The following CFAP61 variants were observed in gnomAD, a reference collection of about 807,000 sequenced individuals.
CFAP61 encodes the protein cilia- and flagella-associated protein 61.
In CFAP61, 107 loss-of-function variants were observed where a neutral mutation model predicts 135.6. The observed-to-expected ratio is 0.79, with a 90% CI of 0.67 to 0.93. The LOEUF is 0.93. CFAP61 is among the 40% of genes least tolerant of loss of function. The pLI is 0.00. For missense variants in CFAP61, 1,507 were observed against 1,556.2 expected (o/e 0.97, Z 0.53); for synonymous variants, 575 against 578.5 (o/e 0.99, Z 0.09).
intron 21 of CFAP61, among the ~76,000 whole-genome samples, chr20:20,270,630 C>T (rs1281078760): frequency 6.6e-6 from 1 of 151,860 alleles, no homozygotes; most frequent in Non-Finnish European, 1.5e-5. Flanking sequence ...GGCATTTTTC[C>T]CCCTTGATTA....
intron 8 of CFAP61, among the ~76,000 whole-genome samples, chr20:20,115,025 CATTG>C: frequency 6.6e-6 from 1 of 152,186 alleles, no homozygotes; most frequent in Middle Eastern, 3.4e-3. Context: ...AGATGAATTA[CATTG>C]ATTGACTTTT....
At chr20:20,118,281 C>T (rs2049316943) in intron 8 of CFAP61, among the ~76,000 whole-genome samples, 1 of 140,510 alleles carries the variant, frequency 7.1e-6, no homozygotes, top group South Asian at 2.2e-4. Context: ...TTCTTTCTTT[C>T]TTTCTTTCTT....
intron 24 of CFAP61, among the ~76,000 whole-genome samples, chr20:20,294,293 G>C: frequency 6.6e-6 from 1 of 152,316 alleles, no homozygotes; most frequent in Middle Eastern, 3.4e-3. Context: ...TTCTGTCAGC[G>C]ACTGTGAATA....
intron 9 of CFAP61, among the ~76,000 whole-genome samples, chr20:20,152,049 T>C (rs1016760291): frequency 4.6e-5 from 7 of 151,964 alleles, no homozygotes; most frequent in African/African-American, 4.8e-5. Context: ...CCAGAAGGGA[T>C]TGGGTCCTAT....
chr20:20,175,823 G>A (rs886218606), intron 13 of CFAP61, among the ~76,000 whole-genome samples: 5 of 152,102 alleles, frequency 3.3e-5, no homozygotes, highest in African/African-American at 9.7e-5. Context: ...GAGCCACTGC[G>A]CCTGGCTGGG....
At chr20:20,269,240 C>CATGTATTTATATATAT (rs1569220097) in intron 21 of CFAP61, among the ~76,000 whole-genome samples, 1 of 123,542 alleles carries the variant, frequency 8.1e-6, no homozygotes, top group Non-Finnish European at 1.9e-5. Flanking sequence ...TATATATATA[C>CATGTATTTATATATAT]ACGTATATGT....
At chr20:20,194,316 A>G (rs1288583643) in intron 15 of CFAP61, among the ~76,000 whole-genome samples, 1 of 152,076 alleles carries the variant, frequency 6.6e-6, no homozygotes, top group Non-Finnish European at 1.5e-5. Context: ...TGTTTATTCT[A>G]TTACCCAAGT....
chr20:20,260,797 C>A (rs935214738), intron 20 of CFAP61, among the ~76,000 whole-genome samples: 2 of 152,190 alleles, frequency 1.3e-5, no homozygotes, highest in African/African-American at 4.8e-5. Flanking sequence ...AAGGCTTTTT[C>A]ACTTGTTAAA....
At chr20:20,327,072 AG>A (rs1270125826) in intron 25 of CFAP61, among the ~76,000 whole-genome samples, 1 of 152,156 alleles carries the variant, frequency 6.6e-6, no homozygotes, top group African/African-American at 2.4e-5. Flanking sequence ...ATTTTAAAAA[AG>A]ATATTGGTAG....
intron 25 of CFAP61, among the ~76,000 whole-genome samples, chr20:20,311,161 C>T (rs539638115): frequency 6.6e-6 from 1 of 152,276 alleles, no homozygotes; most frequent in East Asian, 1.9e-4. Context: ...ACTAATCAAC[C>T]TTGACCAGAA....
At chr20:20,265,617 A>G in intron 21 of CFAP61, 1 of 696,222 alleles carries the variant, frequency 1.4e-6, no homozygotes, top group South Asian at 1.6e-5. Flanking sequence ...TTCCTGTCTT[A>G]CATGTAGGTG....
chr20:20,143,256 G>T (rs2051569201), intron 9 of CFAP61, among the ~76,000 whole-genome samples: 1 of 152,098 alleles, frequency 6.6e-6, no homozygotes. Flanking sequence ...TAAACTCACT[G>T]GGAAATACAG....
At chr20:20,160,952 T>A (rs971874) in intron 10 of CFAP61, among the ~76,000 whole-genome samples, 137,190 of 152,130 alleles carry the variant, frequency 0.9, 62,675 homozygotes, top group Middle Eastern at 0.99. Flanking sequence ...CCAGGTGGGG[T>A]TGATTCACCA....
At chr20:20,272,333 A>G (rs554781895) in intron 21 of CFAP61, among the ~76,000 whole-genome samples, 51 of 152,328 alleles carry the variant, frequency 3.3e-4, no homozygotes, top group Middle Eastern at 6.8e-3. Flanking sequence ...CCAGCTACTC[A>G]GGAGGCTGAA....
chr20:20,095,058 A>ACAAAGT (rs1002167365), intron 7 of CFAP61, among the ~76,000 whole-genome samples: 4 of 152,238 alleles, frequency 2.6e-5, no homozygotes, highest in African/African-American at 7.2e-5. Context: ...TTATATTAAA[A>ACAAAGT]CAAAGTTAAT....
At chr20:20,250,925 G>T (rs1049864243) in intron 19 of CFAP61, among the ~76,000 whole-genome samples, 1 of 152,230 alleles carries the variant, frequency 6.6e-6, no homozygotes, top group Admixed American at 6.5e-5. Context: ...ATGAATGGCC[G>T]CCCTGGGCCT....
intron 20 of CFAP61, among the ~76,000 whole-genome samples, chr20:20,258,789 GACAGACACATGGTA>G (rs2051887796): frequency 6.6e-6 from 1 of 152,196 alleles, no homozygotes; most frequent in Non-Finnish European, 1.5e-5. Flanking sequence ...TTTACCGCGA[GACAGACACATGGTA>G]ACAGATGGAA....
At chr20:20,056,967 A>T (rs991655715) in intron 2 of CFAP61, among the ~76,000 whole-genome samples, 171 bp downstream of exon 2, 2 of 152,000 alleles carry the variant, frequency 1.3e-5, no homozygotes, top group Non-Finnish European at 2.9e-5. Flanking sequence ...AAAATACAAT[A>T]ATCAGCTGGG....
intron 1 of CFAP61, among the ~76,000 whole-genome samples, chr20:20,054,021 T>TTTG (rs1568779227): frequency 2.0e-5 from 3 of 146,682 alleles, no homozygotes; most frequent in African/African-American, 5.1e-5. Flanking sequence ...TTGTTTTTTT[T>TTTG]TTTTTTTTTT....
Sources: gnomAD v4.1 joint callset for allele counts (sites outside exome capture counted in the v4.1 genomes callset) on GRCh38, gnomAD v4.1.1 for gene constraint, MANE v1.5 for transcripts, NCBI Gene and HGNC (gene_info 2026-07-23, HGNC 2026-07-21) for gene names.